CAMK1D: variants seen among roughly 807,000 people sequenced by gnomAD.
CAMK1D encodes the protein calcium/calmodulin-dependent protein kinase type 1D.
Under a neutral mutation model 47.7 loss-of-function variants are expected in CAMK1D, and 9 were observed. That is an observed-to-expected ratio of 0.19 (90% confidence interval 0.11 to 0.33). CAMK1D has a LOEUF of 0.33. CAMK1D is among the 10% of genes least tolerant of loss of function. The pLI, the probability that CAMK1D is intolerant of heterozygous loss-of-function variation, is 1.00. For missense variants in CAMK1D, 291 were observed against 488.7 expected (o/e 0.60, Z 3.81); for synonymous variants, 184 against 184.9 (o/e 0.99, Z 0.04).
Position 12,361,545 on chromosome 10 carries a change from CTTTTTTTT to C in CAMK1D, c.92+11652_92+11659del, listed in dbSNP as rs36015215. On this transcript the variant is annotated intron_variant, in intron 1 of 10. Transcript: ENST00000619168. ...CAGGCATGAGCCACTGTGCCTGGCC[CTTTTTTTT>C]TTTTTTTTTTTTTTTTAATTGAGAT... Among the ~76,000 whole-genome samples the C allele has an allele frequency of 9.5e-5, 6 of 63,090 alleles. No individual in the cohort carries two copies. The South Asian group carries it at 3.4e-3, about 35-fold the overall frequency. 41.4% of individuals were successfully genotyped at this position (63,090 alleles called of 152,430 possible). A position where few individuals can be genotyped will look rare whatever the true frequency, so the allele number is the denominator to read the frequency against.
At chr10:12,524,945 T>C (rs561463090) in intron 1 of CAMK1D, among the ~76,000 whole-genome samples, 1 of 152,378 alleles carries the variant, frequency 6.6e-6, no homozygotes, top group East Asian at 1.9e-4. Flanking sequence ...CTGTCTCTTT[T>C]TTCCTTCACT....
chr10:12,647,225 A>C (rs1839836617), intron 2 of CAMK1D, among the ~76,000 whole-genome samples: 1 of 136,688 alleles, frequency 7.3e-6, no homozygotes, highest in South Asian at 2.3e-4. Context: ...ATCTTGGCTC[A>C]CTGCAACCTC....
intron 3 of CAMK1D, among the ~76,000 whole-genome samples, chr10:12,758,369 T>C (rs76908596): frequency 3.7e-5 from 1 of 26,738 alleles, no homozygotes; most frequent in Non-Finnish European, 9.1e-5. Context: ...GTCATAAAAA[T>C]ATATGACAAT....
chr10:12,464,764 G>A (rs539165910), intron 1 of CAMK1D, among the ~76,000 whole-genome samples: 44 of 150,754 alleles, frequency 2.9e-4, no homozygotes, highest in African/African-American at 9.1e-4. Flanking sequence ...GCATTGAGCC[G>A]AGATCTCGCC....
intron 1 of CAMK1D, among the ~76,000 whole-genome samples, chr10:12,549,876 C>A (rs1284546804): frequency 6.6e-6 from 1 of 152,220 alleles, no homozygotes; most frequent in Non-Finnish European, 1.5e-5. Context: ...CGCTCCCCTC[C>A]CCAGTCTATT....
intron 4 of CAMK1D, among the ~76,000 whole-genome samples, chr10:12,761,841 G>A (rs1051984637): frequency 1.3e-5 from 2 of 152,104 alleles, no homozygotes; most frequent in African/African-American, 4.8e-5. Context: ...AGCCGAGATC[G>A]CACCACTGCA....
intron 1 of CAMK1D, among the ~76,000 whole-genome samples, chr10:12,540,182 G>A (rs1229067350): frequency 6.7e-6 from 1 of 149,872 alleles, no homozygotes; most frequent in East Asian, 2.0e-4. Context: ...CTCCTGCCTT[G>A]GCCTCTCAAA....
At chr10:12,555,201 A>G (rs1238073914) in intron 2 of CAMK1D, among the ~76,000 whole-genome samples, 1 of 152,216 alleles carries the variant, frequency 6.6e-6, no homozygotes, top group Admixed American at 6.5e-5. Context: ...CTTTCTGAAT[A>G]AACCGTCTCG....
At chr10:12,442,819 C>T (rs955473143) in intron 1 of CAMK1D, among the ~76,000 whole-genome samples, 3 of 152,114 alleles carry the variant, frequency 2.0e-5, no homozygotes, top group African/African-American at 4.8e-5. Context: ...CGACTTCATC[C>T]GTTTCATTTG....
intron 1 of CAMK1D, among the ~76,000 whole-genome samples, chr10:12,435,849 C>G (rs1255752954): frequency 3.9e-5 from 6 of 152,270 alleles, no homozygotes; most frequent in Non-Finnish European, 8.8e-5. Context: ...CTCCTGGGCA[C>G]CATAAGTCAG....
Position 12,445,769 on chromosome 10 carries a change from G to A in CAMK1D, c.92+95859G>A, listed in dbSNP as rs138265246. Among the ~76,000 whole-genome samples, 99 of 152,302 alleles carry A rather than the reference G, an allele frequency of 6.5e-4. 1 individual carries two copies. In the East Asian group the frequency reaches 0.018, roughly 27 times the overall value. On this transcript the variant is annotated intron_variant, in intron 1 of 10. Coordinates refer to ENST00000619168, the MANE Select transcript of CAMK1D (RefSeq NM_153498.4). ...TATTGCTCATTTGTTTTTATTGTTA[G>A]TATAACTTTTAATTGTCTTCCTTAT... is the stretch of plus-strand genomic sequence containing the variant.
intron 3 of CAMK1D, among the ~76,000 whole-genome samples, chr10:12,680,453 C>T (rs1427417331): frequency 6.6e-6 from 1 of 152,158 alleles, no homozygotes; most frequent in Non-Finnish European, 1.5e-5. Flanking sequence ...TTGTTGTCCC[C>T]ATTTTCTGAG....
chr10:12,482,171 G>T (rs1211720801), intron 1 of CAMK1D, among the ~76,000 whole-genome samples: 1 of 152,204 alleles, frequency 6.6e-6, no homozygotes, highest in Non-Finnish European at 1.5e-5. Flanking sequence ...TCTCTGAAAA[G>T]AGGGATGTGA....
intron 4 of CAMK1D, among the ~76,000 whole-genome samples, chr10:12,764,888 G>C (rs1836679005): frequency 1.3e-5 from 2 of 152,198 alleles, no homozygotes; most frequent in Admixed American, 1.3e-4. Flanking sequence ...CTGAGGTCAG[G>C]AGTTTGAGAC....
rs1044492251 is a variant in CAMK1D, at chr10:12,831,247, G to A, written c.*2360G>A. 3 of 152,226 alleles carry A rather than the reference G, an allele frequency of 2.0e-5. No individual in the cohort carries two copies. The highest frequency in any genetic ancestry group is 4.4e-5 in the Non-Finnish European group (3 of 68,038). 9.4% of individuals were successfully genotyped at this position (152,226 alleles called of 1,614,324 possible). ...CACCTGAGTTGGCCATGCAATGAAT[G>A]AATATTATAAGCAGTATTGGAGAAC... is the stretch of plus-strand genomic sequence containing the variant. On this transcript the variant is annotated 3_prime_UTR_variant, in exon 11 of 11. Coordinates refer to ENST00000619168, the MANE Select transcript of CAMK1D (RefSeq NM_153498.4).
At chr10:12,523,345 T>C (rs4750229) in intron 1 of CAMK1D, among the ~76,000 whole-genome samples, 118,376 of 150,872 alleles carry the variant, frequency 0.78, 46,577 homozygotes, top group East Asian at 0.93. Context: ...GACAGGGTGG[T>C]GGCCGGGCAG....
At chr10:12,764,977 C>G (rs992709845) in intron 4 of CAMK1D, among the ~76,000 whole-genome samples, 1 of 152,164 alleles carries the variant, frequency 6.6e-6, no homozygotes, top group African/African-American at 2.4e-5. Flanking sequence ...TGCCTGTAAT[C>G]CCAGCTACTC....
intron 3 of CAMK1D, among the ~76,000 whole-genome samples, chr10:12,705,594 G>A (rs1371924683): frequency 2.0e-5 from 3 of 152,128 alleles, no homozygotes; most frequent in African/African-American, 7.2e-5. Context: ...GCTGGTTCAG[G>A]GAGACCAGCC....
At position 12,556,766 on chromosome 10, in the gene CAMK1D, A is replaced by C. The variant is rs1046658828; in HGVS notation, c.224+3410A>C. Among the ~76,000 whole-genome samples the C allele has an allele frequency of 2.6e-5, 4 of 152,208 alleles. No homozygotes were observed. The East Asian group carries it at 7.7e-4, about 29-fold the overall frequency. ...GCCATCGGAGGGTTTTGATGAAAGG[A>C]GCAACATGATCAAGATTAATTTTTG... On this transcript the variant is annotated intron_variant, in intron 2 of 10. Coordinates refer to ENST00000619168, the MANE Select transcript of CAMK1D (RefSeq NM_153498.4).
Sources: allele counts gnomAD v4.1 joint callset (sites outside exome capture counted in the v4.1 genomes callset), GRCh38; gene constraint gnomAD v4.1.1; transcripts MANE v1.5; gene names NCBI Gene and HGNC (gene_info 2026-07-23, HGNC 2026-07-21).